Variants in FRMD4A observed in about 807,000 individuals in gnomAD.
The protein encoded by FRMD4A is FERM domain containing 4A.
A neutral mutation model predicts 129.1 loss-of-function variants in FRMD4A; 29 were observed. The observed-to-expected ratio is 0.22, with a 90% CI of 0.17 to 0.31. The LOEUF (loss-of-function observed/expected upper bound fraction) is 0.31. Among genes scored for constraint, FRMD4A ranks in the 10% least tolerant of loss-of-function variants. FRMD4A has a pLI of 1.00. For synonymous variants in FRMD4A, 634 were observed against 571.6 expected, an observed-to-expected ratio of 1.11 and a Z score of -1.56; for missense variants, 1,272 against 1,375.8, an observed-to-expected ratio of 0.92 and a Z score of 1.19.
At chr10:14,000,901 A>G (rs968701050) in intron 2 of FRMD4A, among the ~76,000 whole-genome samples, 1 of 151,968 alleles carries the variant, frequency 6.6e-6, no homozygotes, top group Non-Finnish European at 1.5e-5. Context: ...CTATCCAGAG[A>G]CTCTCCTCAA....
At chr10:13,841,095 G>A (rs1179140961) in intron 3 of FRMD4A, among the ~76,000 whole-genome samples, 2 of 152,174 alleles carry the variant, frequency 1.3e-5, no homozygotes, top group Non-Finnish European at 1.5e-5. Context: ...GTGACAGAGT[G>A]AGACCCCCAT....
chr10:14,086,661 A>T (rs1363975956), intron 2 of FRMD4A, among the ~76,000 whole-genome samples: 1 of 152,160 alleles, frequency 6.6e-6, no homozygotes, highest in East Asian at 1.9e-4. Context: ...TCCCAAAGAA[A>T]GCCTATCTTG....
In FRMD4A at chr10:13,891,416, G is replaced by C. The variant is rs1415234955; in HGVS notation, c.46-32504C>G. On this transcript the variant is annotated intron_variant, in intron 2 of 24. Transcript: ENST00000357447. ...GGAAAGTAGGTGTGTGTGTGCCGAG[G>C]GGAGGGTTGCAGAAGAAAGCACAGT... Among the ~76,000 whole-genome samples, 3 of 152,172 alleles carry C rather than the reference G, an allele frequency of 2.0e-5. 1 individual carries two copies. Among genetic ancestry groups the C allele is most frequent in the African/African-American group, 2.4e-5 (1 of 41,452 alleles).
chr10:13,990,897 G>A (rs775946963), intron 2 of FRMD4A, among the ~76,000 whole-genome samples: 1 of 152,118 alleles, frequency 6.6e-6, no homozygotes, highest in Non-Finnish European at 1.5e-5. Context: ...TTCCAGTAAT[G>A]ATGGTTCTTG....
At position 13,645,710 on chromosome 10, in the gene FRMD4A, C is replaced by A. The variant is rs935556356; in HGVS notation, c.*1328G>T. On this transcript the variant is annotated 3_prime_UTR_variant, in exon 25 of 25. Coordinates refer to ENST00000357447, the MANE Select transcript of FRMD4A (RefSeq NM_018027.5). Reference sequence around the variant, plus strand: ...TGGCTAGTAGACACACGAGTCAAATCTTTCTACCTAAGGGCATAGTTGGGT... The same window carrying A: ...TGGCTAGTAGACACACGAGTCAAATATTTCTACCTAAGGGCATAGTTGGGT... 2.6e-5 allele frequency: 4 copies of A among 152,604 alleles called. 1 individual carries two copies. The South Asian group carries it at 8.3e-4, about 32-fold the overall frequency. 9.5% of individuals were successfully genotyped at this position (152,604 alleles called of 1,614,324 possible). A position where few individuals can be genotyped will look rare whatever the true frequency, so the allele number is the denominator to read the frequency against.
chr10:14,283,914 G>C (rs775156344), intron 2 of FRMD4A, among the ~76,000 whole-genome samples: 19 of 152,220 alleles, frequency 1.2e-4, no homozygotes, highest in Non-Finnish European at 2.1e-4. Context: ...CATTTGACAA[G>C]CCTTTGAGGA....
At position 13,910,597 on chromosome 10, in the gene FRMD4A, G is replaced by C. The variant is rs1052225302; in HGVS notation, c.46-51685C>G. Among the ~76,000 whole-genome samples, 6 of 152,284 alleles carry C rather than the reference G, an allele frequency of 3.9e-5. No individual in the cohort carries two copies. The South Asian group carries it at 1.2e-3, about 32-fold the overall frequency. On this transcript the variant is annotated intron_variant, in intron 2 of 24. Coordinates refer to ENST00000357447, the MANE Select transcript of FRMD4A (RefSeq NM_018027.5). ...TCTTCACCCTGCAGAAAGCAGATTT[G>C]TTAATTTCTTCATTTACTTTTCTTT...
At chr10:13,856,221 T>A (rs1433516283) in intron 3 of FRMD4A, among the ~76,000 whole-genome samples, 1 of 4,676 alleles carries the variant, frequency 2.1e-4, no homozygotes, top group Non-Finnish European at 3.8e-4. Flanking sequence ...TGTGCAAGTG[T>A]GTGTGTGTGT....
At chr10:13,825,184 A>G (rs2130919142) in intron 3 of FRMD4A, among the ~76,000 whole-genome samples, 1 of 152,354 alleles carries the variant, frequency 6.6e-6, no homozygotes, top group African/African-American at 2.4e-5. Context: ...CAATTCTAAC[A>G]GATGCCAGCA....
chr10:14,064,451 T>G (rs1834959208), intron 2 of FRMD4A, among the ~76,000 whole-genome samples: 1 of 152,208 alleles, frequency 6.6e-6, no homozygotes, highest in South Asian at 2.1e-4. Context: ...AGGGGAAGGC[T>G]TTGGGAAAGA....
chr10:13,847,430 C>A (rs1011255551), intron 3 of FRMD4A, among the ~76,000 whole-genome samples: 7 of 152,176 alleles, frequency 4.6e-5, no homozygotes, highest in Admixed American at 2.6e-4. Context: ...CCAGACCGTT[C>A]GCTTCCTCCC....
At chr10:14,311,089 A>C (rs1846531278) in intron 2 of FRMD4A, among the ~76,000 whole-genome samples, 1 of 151,958 alleles carries the variant, frequency 6.6e-6, no homozygotes, top group Admixed American at 6.6e-5. Flanking sequence ...ACATGTCCCC[A>C]AGGTGGTGTT....
At chr10:13,971,585 G>A in intron 2 of FRMD4A, 1 of 864,756 alleles carries the variant, frequency 1.2e-6, no homozygotes, top group Non-Finnish European at 1.7e-6. Flanking sequence ...AATAGCTCAT[G>A]CCCCCTTCTC....
Position 14,018,691 on chromosome 10 carries a change from C to A in FRMD4A, c.46-159779G>T, listed in dbSNP as rs527667129. ...CAAGAGAGCAGGTACAAGATTATTG[C>A]AATTGTCCAAATGAGAAATGATTAA... is the stretch of plus-strand genomic sequence containing the variant. On this transcript the variant is annotated intron_variant, in intron 2 of 24. Coordinates refer to ENST00000357447, the MANE Select transcript of FRMD4A (RefSeq NM_018027.5). Among the ~76,000 whole-genome samples, 5 of 152,160 alleles carry A rather than the reference C, an allele frequency of 3.3e-5. No homozygotes were observed. The South Asian group carries it at 8.3e-4, about 25-fold the overall frequency.
chr10:13,864,184 C>T (rs531779677), intron 2 of FRMD4A, among the ~76,000 whole-genome samples: 3 of 151,574 alleles, frequency 2.0e-5, no homozygotes, highest in Non-Finnish European at 2.9e-5. Context: ...TTAGTAGAGA[C>T]GGGGTTTCAC....
At chr10:13,946,301 GA>G (rs1367634289) in intron 2 of FRMD4A, among the ~76,000 whole-genome samples, 1 of 152,162 alleles carries the variant, frequency 6.6e-6, no homozygotes, top group Non-Finnish European at 1.5e-5. Flanking sequence ...CTAGAACCAG[GA>G]AGTTGAAAGA....
chr10:14,185,575 TCGTCTTGTAAGA>T (rs1169360000), intron 2 of FRMD4A, among the ~76,000 whole-genome samples: 1 of 152,026 alleles, frequency 6.6e-6, no homozygotes, highest in East Asian at 1.9e-4. Context: ...AGGTTCAATC[TCGTCTTGTAAGA>T]AAGAGAAACA....
At chr10:14,110,966 C>T (rs1443302320) in intron 2 of FRMD4A, among the ~76,000 whole-genome samples, 1 of 152,042 alleles carries the variant, frequency 6.6e-6, no homozygotes, top group Non-Finnish European at 1.5e-5. Context: ...GTATCTGGGA[C>T]TAAAGGCATG....
intron 2 of FRMD4A, among the ~76,000 whole-genome samples, chr10:13,909,127 T>A (rs1394525301): frequency 1.3e-5 from 2 of 152,240 alleles, no homozygotes; most frequent in Non-Finnish European, 2.9e-5. Context: ...CATATCTTTT[T>A]CCTCTGGAAT....
Sources: gnomAD v4.1 joint callset for allele counts (sites outside exome capture counted in the v4.1 genomes callset) on GRCh38, gnomAD v4.1.1 for gene constraint, MANE v1.5 for transcripts, NCBI Gene and HGNC (gene_info 2026-07-23, HGNC 2026-07-21) for gene names.